The following VIPR2 variants were observed in gnomAD, a reference collection of about 807,000 sequenced individuals.
The protein encoded by VIPR2 is vasoactive intestinal polypeptide receptor 2.
Under a neutral mutation model 58.0 loss-of-function variants are expected in VIPR2, and 48 were observed. That is an observed-to-expected ratio of 0.83 (90% CI 0.66 to 1.05). The LOEUF is 1.05. VIPR2 is among the 50% of genes least tolerant of loss of function. VIPR2 has a pLI of 0.00. For missense variants in VIPR2, 534 were observed against 558.0 expected, an observed-to-expected ratio of 0.96 and a Z score of 0.43; for synonymous variants, 243 against 235.2, an observed-to-expected ratio of 1.03 and a Z score of -0.30.
chr7:159,060,913 C>G (rs2129494093), intron 4 of VIPR2, among the ~76,000 whole-genome samples: 1 of 152,334 alleles, frequency 6.6e-6, no homozygotes, highest in South Asian at 2.1e-4. Flanking sequence ...CCCAAAGGCA[C>G]AGAAATCATT....
At chr7:159,091,642 G>C (rs1162001564) in intron 4 of VIPR2, among the ~76,000 whole-genome samples, 1 of 152,214 alleles carries the variant, frequency 6.6e-6, no homozygotes, top group Non-Finnish European at 1.5e-5. Context: ...ATAGCAGTGG[G>C]GGAACGAGGG....
intron 10 of VIPR2, among the ~76,000 whole-genome samples, chr7:159,033,339 G>A (rs1270315387): frequency 2.0e-5 from 3 of 152,152 alleles, no homozygotes; most frequent in Non-Finnish European, 4.4e-5. Flanking sequence ...TAGGCTGGGC[G>A]GCAGGGTTCC....
At position 159,035,769 on chromosome 7, in the gene VIPR2, C is replaced by A. The variant is rs1029733391; in HGVS notation, c.809+183G>T. 4 of 985,340 alleles carry A rather than the reference C, an allele frequency of 4.1e-6. No homozygotes were observed. The African/African-American group carries it at 5.2e-5, about 13-fold the overall frequency. The allele number at this position is 985,340 out of a possible 1,614,324, so 61.0% of individuals were successfully genotyped here. ...TCCTGTCTCCTGCACGGGGCTTCCT[C>A]CAACACTCCAACCTCACAGGATTTC... On this transcript the variant is annotated intron_variant, in intron 8 of 12. Coordinates refer to ENST00000262178, the MANE Select transcript of VIPR2 (RefSeq NM_003382.5).
chr7:159,101,890 C>T (rs58769399), intron 4 of VIPR2, among the ~76,000 whole-genome samples: 7 of 128,644 alleles, frequency 5.4e-5, no homozygotes, highest in South Asian at 2.5e-4. Flanking sequence ...TGGTAGTGAA[C>T]GGGTCTCACG....
chr7:159,045,428 T>C (rs548783049), intron 5 of VIPR2, among the ~76,000 whole-genome samples: 2 of 152,276 alleles, frequency 1.3e-5, no homozygotes, highest in African/African-American at 4.8e-5. Context: ...AACCTACACA[T>C]CTAAGGCCAT....
chr7:159,117,398 T>C (rs1796278195), intron 2 of VIPR2: 2 of 717,362 alleles, frequency 2.8e-6, no homozygotes, highest in Non-Finnish European at 5.2e-6. Flanking sequence ...ATGAATCCCT[T>C]TGTATGGCCT....
chr7:159,096,553 C>T lies in VIPR2; in HGVS notation c.357+7204G>A, dbSNP rs919396902. ...AACTTAAAGAACTTGGAGACCCAATCGCCATCCCCAGGCACCAGCGTATCT... is the reference window on the plus strand; with the variant it reads ...AACTTAAAGAACTTGGAGACCCAATTGCCATCCCCAGGCACCAGCGTATCT... On this transcript the variant is annotated intron_variant, in intron 4 of 12. Transcript: ENST00000262178. The surrounding 1 kb of genome is among the most constrained non-coding windows in gnomAD (Gnocchi z 5.5). Among the ~76,000 whole-genome samples, 9 of 152,234 alleles carry T rather than the reference C, an allele frequency of 5.9e-5. No homozygotes were observed. The highest frequency in any genetic ancestry group is 1.9e-4 in the African/African-American group (8 of 41,460).
chr7:159,051,695 G>A (rs530317806), intron 5 of VIPR2, among the ~76,000 whole-genome samples: 2 of 152,064 alleles, frequency 1.3e-5, no homozygotes, highest in Admixed American at 6.6e-5. Context: ...ACAGAAAACC[G>A]TATACCTTGA....
intron 4 of VIPR2, among the ~76,000 whole-genome samples, chr7:159,063,587 C>G (rs1355133658): frequency 6.6e-6 from 1 of 151,628 alleles, no homozygotes; most frequent in Admixed American, 6.6e-5. Context: ...CACAGTGCAG[C>G]GGCGGGCTGA....
At chr7:159,140,093 T>A (rs1165730087) in intron 2 of VIPR2, among the ~76,000 whole-genome samples, 13 of 152,174 alleles carry the variant, frequency 8.5e-5, no homozygotes, top group Non-Finnish European at 1.9e-4. Flanking sequence ...GTTTTTTTTT[T>A]AGATTCAACA....
chr7:159,109,706 G>C, intron 3 of VIPR2, 106 bp downstream of exon 3: 1 of 1,046,178 alleles, frequency 9.6e-7, no homozygotes, highest in Non-Finnish European at 1.5e-6. Flanking sequence ...CAGGGTAGCA[G>C]GAGATGCCTG....
chr7:159,041,501 A>T (rs1053353554), intron 6 of VIPR2, among the ~76,000 whole-genome samples: 5 of 146,744 alleles, frequency 3.4e-5, no homozygotes, highest in Middle Eastern at 3.7e-3. Flanking sequence ...GCGGGTCCCA[A>T]GGGTCTGTCA....
At chr7:159,130,143 G>C (rs898821391) in intron 2 of VIPR2, among the ~76,000 whole-genome samples, 3 of 152,236 alleles carry the variant, frequency 2.0e-5, no homozygotes. Context: ...CTGTGAAAGA[G>C]ACCTGATTTA....
In VIPR2 at chr7:159,098,784, C is replaced by A. The variant is rs1858022329; in HGVS notation, c.357+4973G>T. Reference sequence around the variant, plus strand: ...TTTAATTAATTTCGAAAACAATAAACAATAATGATTGCACACACAACACCC... The same window carrying A: ...TTTAATTAATTTCGAAAACAATAAAAAATAATGATTGCACACACAACACCC... On this transcript the variant is annotated intron_variant, in intron 4 of 12. Coordinates refer to ENST00000262178, the MANE Select transcript of VIPR2 (RefSeq NM_003382.5). This position sits in a 1 kb window ranked among gnomAD's most constrained non-coding sequence, Gnocchi z 5.2. Among the ~76,000 whole-genome samples the A allele has an allele frequency of 6.6e-6, 1 of 152,212 alleles. No homozygotes were observed. Among genetic ancestry groups the A allele is most frequent in the Non-Finnish European group, 1.5e-5 (1 of 68,028 alleles).
chr7:159,074,575 G>C (rs970105166), intron 4 of VIPR2, among the ~76,000 whole-genome samples: 2 of 152,268 alleles, frequency 1.3e-5, no homozygotes, highest in East Asian at 1.9e-4. Context: ...TCCAAAGCTT[G>C]AAAAATAAAT....
At chr7:159,130,813 G>C (rs1288214829) in intron 2 of VIPR2, among the ~76,000 whole-genome samples, 1 of 152,228 alleles carries the variant, frequency 6.6e-6, no homozygotes, top group Non-Finnish European at 1.5e-5. Flanking sequence ...TCACTGGCAA[G>C]GAAAGAGTTA....
chr7:159,066,678 G>A (rs1429108569), intron 4 of VIPR2, among the ~76,000 whole-genome samples: 1 of 152,256 alleles, frequency 6.6e-6, no homozygotes, highest in Admixed American at 6.5e-5. Flanking sequence ...TCTTTGTGGT[G>A]CAAGAACTAG....
chr7:159,090,593 A>T (rs1294139658), intron 4 of VIPR2, among the ~76,000 whole-genome samples: 1 of 124,146 alleles, frequency 8.1e-6, no homozygotes, highest in African/African-American at 3.5e-5. Flanking sequence ...ATCCCCGGTG[A>T]CCTCAGCACA....
intron 8 of VIPR2, among the ~76,000 whole-genome samples, chr7:159,034,951 CA>C (rs746043523): frequency 1.3e-5 from 2 of 152,222 alleles, no homozygotes; most frequent in Non-Finnish European, 2.9e-5. Context: ...CAGCCCCATT[CA>C]GCTGAAATCA....
Sources: gnomAD v4.1 joint callset for allele counts (sites outside exome capture counted in the v4.1 genomes callset) on GRCh38, gnomAD v4.1.1 for gene constraint, Gnocchi (gnomAD v3.1) non-coding constraint, MANE v1.5 for transcripts, NCBI Gene and HGNC (gene_info 2026-07-23, HGNC 2026-07-21) for gene names.